NELL1: variants seen among roughly 807,000 people sequenced by gnomAD.
The protein encoded by NELL1 is neural EGFL like 1.
In NELL1, 76 loss-of-function variants were observed where a neutral mutation model predicts 107.4. That is an observed-to-expected ratio of 0.71 (90% CI 0.59 to 0.86). The LOEUF (loss-of-function observed/expected upper bound fraction) is 0.86. Among genes scored for constraint, NELL1 ranks in the 40% least tolerant of loss-of-function variants. The pLI is 0.00. For missense variants in NELL1, 1,024 were observed against 1,005.5 expected (o/e 1.02, Z -0.25); for synonymous variants, 353 against 341.2 (o/e 1.03, Z -0.38).
At chr11:20,934,104 C>T (rs1020910682) in intron 9 of NELL1, among the ~76,000 whole-genome samples, 21 of 152,072 alleles carry the variant, frequency 1.4e-4, no homozygotes, top group Non-Finnish European at 2.6e-4. Flanking sequence ...TTTCCTCAGA[C>T]ATAAAAAATA....
intron 15 of NELL1, among the ~76,000 whole-genome samples, chr11:21,466,889 C>T (rs76308945): frequency 0.043 from 6,545 of 151,402 alleles, 307 homozygotes; most frequent in East Asian, 0.16. Context: ...AGACTTGTCC[C>T]GTATCTCATA....
chr11:21,114,594 G>T (rs1244890599), intron 13 of NELL1, among the ~76,000 whole-genome samples: 1 of 151,718 alleles, frequency 6.6e-6, no homozygotes, highest in Non-Finnish European at 1.5e-5. Context: ...AGTGCAAAAA[G>T]TTGCAAAAGT....
chr11:20,862,042 G>A (rs1564938425), intron 4 of NELL1, among the ~76,000 whole-genome samples: 1 of 152,236 alleles, frequency 6.6e-6, no homozygotes, highest in Non-Finnish European at 1.5e-5. Context: ...GGATGAGTCA[G>A]TAGCTCAGAA....
At chr11:20,673,532 C>A (rs1397474974) in intron 1 of NELL1, among the ~76,000 whole-genome samples, 1 of 152,192 alleles carries the variant, frequency 6.6e-6, no homozygotes, top group Non-Finnish European at 1.5e-5. Flanking sequence ...CAAAGGTGAA[C>A]TGAGTGGGCT....
chr11:21,098,605 T>A (rs1854714095), intron 12 of NELL1, among the ~76,000 whole-genome samples: 2 of 152,182 alleles, frequency 1.3e-5, no homozygotes, highest in South Asian at 4.1e-4. Context: ...AAATTTCCAG[T>A]GGGACTTTTT....
chr11:20,851,716 G>T (rs1369013612), intron 4 of NELL1, among the ~76,000 whole-genome samples: 1 of 152,044 alleles, frequency 6.6e-6, no homozygotes, highest in African/African-American at 2.4e-5. Context: ...TTATTTATTG[G>T]GTACACTATC....
At chr11:20,706,108 C>G (rs1321858430) in intron 2 of NELL1, among the ~76,000 whole-genome samples, 2 of 152,100 alleles carry the variant, frequency 1.3e-5, no homozygotes, top group Admixed American at 6.5e-5. Flanking sequence ...GACAGTGTGG[C>G]GATTCCTCAA....
intron 15 of NELL1, among the ~76,000 whole-genome samples, chr11:21,437,194 A>T (rs896347072): frequency 6.6e-6 from 1 of 152,178 alleles, no homozygotes; most frequent in African/African-American, 2.4e-5. Context: ...GGTCTGCCCA[A>T]TGATCAAAGT....
At chr11:21,063,874 G>T (rs1005147349) in intron 12 of NELL1, among the ~76,000 whole-genome samples, 2 of 152,182 alleles carry the variant, frequency 1.3e-5, no homozygotes, top group African/African-American at 4.8e-5. Context: ...TTTGAAGTTG[G>T]TGCTATGGGA....
Position 21,514,184 on chromosome 11 carries a change from T to C in NELL1, c.1646-20190T>C, listed in dbSNP as rs73469190. On this transcript the variant is annotated intron_variant, in intron 15 of 19. Transcript: ENST00000357134. Reference sequence around the variant, plus strand: ...TTCCATCATTTTGCAAATATCAAAATAATACATTAAAGAAAATAGTTTTGT... The same window carrying C: ...TTCCATCATTTTGCAAATATCAAAACAATACATTAAAGAAAATAGTTTTGT... 8.2e-3 allele frequency among the ~76,000 whole-genome samples: 1,242 copies of C among 152,298 alleles called. 21 individuals carry two copies. The highest frequency in any genetic ancestry group is 0.028 in the African/African-American group (1,179 of 41,560).
chr11:21,305,931 C>T (rs891568460), intron 14 of NELL1, among the ~76,000 whole-genome samples: 1 of 151,804 alleles, frequency 6.6e-6, no homozygotes, highest in Non-Finnish European at 1.5e-5. Flanking sequence ...TATTAAGGAT[C>T]GTTCTCCAGA....
intron 13 of NELL1, among the ~76,000 whole-genome samples, chr11:21,171,502 T>A (rs1451214711): frequency 6.6e-6 from 1 of 151,920 alleles, no homozygotes; most frequent in Non-Finnish European, 1.5e-5. Context: ...ACTGCGAGTG[T>A]TTCTATGTTA....
intron 14 of NELL1, among the ~76,000 whole-genome samples, chr11:21,282,655 A>G (rs1411830549): frequency 2.0e-5 from 3 of 152,176 alleles, no homozygotes; most frequent in Non-Finnish European, 2.9e-5. Context: ...CATAGCATCT[A>G]GCAATCCCAC....
intron 2 of NELL1, among the ~76,000 whole-genome samples, chr11:20,755,547 T>G (rs1297939407): frequency 1.1e-4 from 4 of 38,024 alleles, no homozygotes; most frequent in African/African-American, 3.6e-4. Context: ...TTTGTTTTTT[T>G]TTGTTTTTGT....
At chr11:21,008,288 C>G (rs1047995643) in intron 12 of NELL1, among the ~76,000 whole-genome samples, 1 of 152,070 alleles carries the variant, frequency 6.6e-6, no homozygotes, top group Admixed American at 6.6e-5. Flanking sequence ...TGAATACAAA[C>G]TACATCTTAA....
intron 2 of NELL1, among the ~76,000 whole-genome samples, chr11:20,696,130 C>G (rs980785723): frequency 6.6e-5 from 10 of 151,788 alleles, no homozygotes; most frequent in African/African-American, 2.2e-4. Flanking sequence ...TGAAATGTCA[C>G]CTTTGTTGTT....
At chr11:21,175,070 C>T (rs976834039) in intron 13 of NELL1, among the ~76,000 whole-genome samples, 2 of 151,700 alleles carry the variant, frequency 1.3e-5, no homozygotes, top group Non-Finnish European at 2.9e-5. Flanking sequence ...TAATTCTACT[C>T]CAGGCTAAAA....
At chr11:21,434,668 A>G (rs1054569613) in intron 15 of NELL1, among the ~76,000 whole-genome samples, 3 of 152,092 alleles carry the variant, frequency 2.0e-5, no homozygotes, top group East Asian at 1.9e-4. Context: ...TGCTTTGACT[A>G]TTGTCAAGAA....
intron 12 of NELL1, among the ~76,000 whole-genome samples, chr11:21,066,914 A>G (rs575732742): frequency 5.9e-5 from 9 of 152,162 alleles, no homozygotes; most frequent in African/African-American, 1.9e-4. Flanking sequence ...AGATTGCACC[A>G]CTGCAATCCA....
Sources: allele counts gnomAD v4.1 joint callset (sites outside exome capture counted in the v4.1 genomes callset), GRCh38; gene constraint gnomAD v4.1.1; transcripts MANE v1.5; gene names NCBI Gene and HGNC (gene_info 2026-07-23, HGNC 2026-07-21).